DGKB: variants seen among roughly 807,000 people sequenced by gnomAD.
The protein encoded by DGKB is diacylglycerol kinase beta, also known as 90 kDa diacylglycerol kinase.
A neutral mutation model predicts 114.3 loss-of-function variants in DGKB; 67 were observed. That is an observed-to-expected ratio of 0.59 (90% confidence interval 0.48 to 0.72). DGKB has a LOEUF of 0.72. DGKB is among the 30% of genes least tolerant of loss of function. DGKB has a pLI of 0.00. For missense variants in DGKB, 907 were observed against 975.2 expected, an observed-to-expected ratio of 0.93 and a Z score of 0.93; for synonymous variants, 398 against 323.1, an observed-to-expected ratio of 1.23 and a Z score of -2.49.
chr7:14,160,086 AATGAT>A (rs1216947240), intron 25 of DGKB, among the ~76,000 whole-genome samples: 1 of 152,200 alleles, frequency 6.6e-6, no homozygotes, highest in Non-Finnish European at 1.5e-5. Flanking sequence ...TTGTCATGAG[AATGAT>A]ATGATATAAT....
In DGKB at chr7:14,736,068, T is replaced by C; in HGVS notation, c.295A>G (p.Lys99Glu). The change falls in exon 5 of 26, where the codon AAA (lysine) becomes GAA (glutamate). Residue 99 changes from lysine to glutamate, a missense_variant. Physicochemically the swap from Lys to Glu is moderately conservative, Grantham distance 56. Transcript: ENST00000402815. Reference protein sequence around the residue: ...NKFPHSSPMVKSKPALLSGGL... With the variant: ...NKFPHSSPMVESKPALLSGGL... ...CCTGATAGGAGAGCAGGCTTACTTT[T>C]TACCATTGGACTAGAATGAGGAAAC... 6.2e-7 allele frequency: 1 copy of C among 1,607,392 alleles called. No individual in the cohort carries two copies. Among genetic ancestry groups the C allele is most frequent in the African/African-American group, 1.3e-5 (1 of 74,888 alleles).
intron 21 of DGKB, among the ~76,000 whole-genome samples, chr7:14,467,359 A>C (rs1486875791): frequency 6.6e-6 from 1 of 151,064 alleles, no homozygotes; most frequent in African/African-American, 2.4e-5. Flanking sequence ...CCATTCCACA[A>C]TGTATACAAA....
At chr7:14,675,522 G>A (rs1177341224) in intron 12 of DGKB, among the ~76,000 whole-genome samples, 1 of 151,936 alleles carries the variant, frequency 6.6e-6, no homozygotes, top group African/African-American at 2.4e-5. Flanking sequence ...GTGTGAAGGG[G>A]CAACTCTGTA....
rs137943133 is a variant in DGKB, at chr7:14,637,556, A to G, written c.1135-7288T>C. ...TGTGTATATATATATACATGTGTGT[A>G]TACATGTATATACTTGTGATTACAA... On this transcript the variant is annotated intron_variant, in intron 13 of 25. Transcript: ENST00000402815. 2.6e-5 allele frequency among the ~76,000 whole-genome samples: 4 copies of G among 151,620 alleles called. No homozygotes were observed. The East Asian group carries it at 7.8e-4, about 29-fold the overall frequency.
intron 25 of DGKB, among the ~76,000 whole-genome samples, chr7:14,154,779 GAGA>G (rs1224077369): frequency 1.3e-5 from 2 of 150,134 alleles, no homozygotes; most frequent in Non-Finnish European, 3.0e-5. Context: ...AGCATCTAAT[GAGA>G]AGATCTGTTG....
At chr7:14,810,080 T>A (rs1239944752) in intron 2 of DGKB, among the ~76,000 whole-genome samples, 1 of 152,182 alleles carries the variant, frequency 6.6e-6, no homozygotes, top group Admixed American at 6.6e-5. Flanking sequence ...TTATCTAAGT[T>A]TTTCCTGGAG....
chr7:14,811,914 T>A (rs1217436580), intron 2 of DGKB, among the ~76,000 whole-genome samples: 2 of 152,082 alleles, frequency 1.3e-5, no homozygotes, highest in Non-Finnish European at 2.9e-5. Flanking sequence ...TTTCCCCAAC[T>A]GAAACCTCTT....
rs527357836 is a variant in DGKB, at chr7:14,428,792, T to C, written c.1835+49369A>G. ...CTCTCCCTTTAATTTTGCCACTCACTGATTCAGCTAATGGCAAGATCTGAG... is the reference window on the plus strand; with the variant it reads ...CTCTCCCTTTAATTTTGCCACTCACCGATTCAGCTAATGGCAAGATCTGAG... On this transcript the variant is annotated intron_variant, in intron 21 of 25. Transcript: ENST00000402815. Among the ~76,000 whole-genome samples the C allele has an allele frequency of 7.9e-5, 12 of 152,206 alleles. No individual in the cohort carries two copies. In the East Asian group the frequency reaches 2.1e-3, roughly 27 times the overall value.
chr7:14,403,163 A>G (rs1823394334), intron 21 of DGKB, among the ~76,000 whole-genome samples: 1 of 151,822 alleles, frequency 6.6e-6, no homozygotes, highest in Non-Finnish European at 1.5e-5. Context: ...AAGAAATTAC[A>G]TATATATACA....
chr7:14,255,928 G>A (rs1159168883), intron 23 of DGKB, among the ~76,000 whole-genome samples: 1 of 144,016 alleles, frequency 6.9e-6, no homozygotes, highest in African/African-American at 2.5e-5. Flanking sequence ...GAGACACAGT[G>A]CACATATTTC....
intron 23 of DGKB, among the ~76,000 whole-genome samples, chr7:14,257,175 A>G (rs1796073949): frequency 6.6e-6 from 1 of 152,136 alleles, no homozygotes; most frequent in African/African-American, 2.4e-5. Flanking sequence ...TATTAGAATA[A>G]AATAAAAAAA....
chr7:14,769,182 GGAAA>G (rs3036223), intron 2 of DGKB, among the ~76,000 whole-genome samples: 40,378 of 130,912 alleles, frequency 0.31, 7,737 homozygotes, highest in African/African-American at 0.53. Context: ...GAAAGAGAAA[GGAAA>G]GAAAGAAAGA....
At chr7:14,613,534 T>TGTGTGTGTGTGC (rs1805957450) in intron 15 of DGKB, 121 bp from the exon 16 acceptor site, 3 of 602,882 alleles carry the variant, frequency 5.0e-6, no homozygotes, top group East Asian at 3.0e-5. Flanking sequence ...CTTTCCACAA[T>TGTGTGTGTGTGC]GTGTGTGTGT....
chr7:14,739,471 T>C (rs1218915419), intron 4 of DGKB, among the ~76,000 whole-genome samples: 4 of 152,226 alleles, frequency 2.6e-5, no homozygotes, highest in Admixed American at 2.0e-4. Context: ...GAAACCCGAA[T>C]GCAGGACCCT....
chr7:14,685,417 T>C (rs758575889), intron 9 of DGKB, 55 bp from the exon 10 acceptor site: 2 of 1,291,050 alleles, frequency 1.5e-6, no homozygotes, highest in Non-Finnish European at 2.2e-6. Context: ...CAGTGAAAGA[T>C]GTAAGTGCCA....
intron 13 of DGKB, among the ~76,000 whole-genome samples, chr7:14,656,991 A>G (rs1469465379): frequency 6.6e-6 from 1 of 151,764 alleles, no homozygotes; most frequent in African/African-American, 2.4e-5. Context: ...GCACACAGCC[A>G]ATCTGAGACA....
At chr7:14,356,693 G>T (rs1296976095) in intron 21 of DGKB, among the ~76,000 whole-genome samples, 1 of 151,968 alleles carries the variant, frequency 6.6e-6, no homozygotes, top group African/African-American at 2.4e-5. Flanking sequence ...ATGATGTTAG[G>T]GTGTGGATTT....
chr7:14,511,617 A>C (rs954389672), intron 20 of DGKB, among the ~76,000 whole-genome samples: 4 of 152,178 alleles, frequency 2.6e-5, no homozygotes, highest in African/African-American at 9.7e-5. Flanking sequence ...AATTCCTTTC[A>C]AGAACATTTC....
intron 13 of DGKB, among the ~76,000 whole-genome samples, chr7:14,641,842 C>A (rs895129535): frequency 6.6e-6 from 1 of 151,962 alleles, no homozygotes; most frequent in Non-Finnish European, 1.5e-5. Flanking sequence ...TGTTTATGTA[C>A]ATTTATTCTT....
Sources: allele counts gnomAD v4.1 joint callset (sites outside exome capture counted in the v4.1 genomes callset), GRCh38; gene constraint gnomAD v4.1.1; transcripts MANE v1.5; gene names NCBI Gene and HGNC (gene_info 2026-07-23, HGNC 2026-07-21).